CSMD1: variants seen among roughly 807,000 people sequenced by gnomAD.
CSMD1 encodes CUB and Sushi multiple domains 1.
CSMD1 carries 213 observed loss-of-function variants against 417.5 expected under a neutral mutation model. The observed-to-expected ratio is 0.51, with a 90% CI of 0.46 to 0.57. The LOEUF is 0.57. Ranked by LOEUF, CSMD1 falls within the 20% of genes least tolerant of loss-of-function variation. CSMD1 has a pLI of 0.00. For synonymous variants in CSMD1, 2,862 were observed against 1,736.8 expected (o/e 1.65, Z -16.11); for missense variants, 6,923 against 4,529.7 (o/e 1.53, Z -15.17).
chr8:4,186,023 C>T (rs539944422), intron 3 of CSMD1, among the ~76,000 whole-genome samples: 1 of 152,072 alleles, frequency 6.6e-6, no homozygotes, highest in Admixed American at 6.6e-5. Context: ...CATACAAATC[C>T]CTAGGTACAT....
At chr8:4,292,135 G>T (rs908073222) in intron 3 of CSMD1, among the ~76,000 whole-genome samples, 1 of 152,138 alleles carries the variant, frequency 6.6e-6, no homozygotes, top group Admixed American at 6.5e-5. Context: ...CAACAACAAA[G>T]AAATATGAAA....
chr8:4,006,534 C>T (rs1434186502), intron 4 of CSMD1, among the ~76,000 whole-genome samples: 1 of 152,134 alleles, frequency 6.6e-6, no homozygotes, highest in Non-Finnish European at 1.5e-5. Context: ...CAGAGTGAGG[C>T]CTTGCCTCAG....
chr8:4,238,486 G>A (rs1022015616), intron 3 of CSMD1, among the ~76,000 whole-genome samples: 10 of 152,170 alleles, frequency 6.6e-5, no homozygotes, highest in African/African-American at 1.9e-4. Flanking sequence ...GGGTAAGGAG[G>A]CACATTAAGA....
chr8:4,647,505 T>C (rs1803610396), intron 1 of CSMD1, among the ~76,000 whole-genome samples: 1 of 152,134 alleles, frequency 6.6e-6, no homozygotes, highest in Non-Finnish European at 1.5e-5. Flanking sequence ...GTTACGTAGG[T>C]ACGCGTGTGC....
chr8:4,650,234 A>C (rs1803805551), intron 1 of CSMD1, among the ~76,000 whole-genome samples: 1 of 150,742 alleles, frequency 6.6e-6, no homozygotes, highest in African/African-American at 2.4e-5. Flanking sequence ...AGTCCCAGCT[A>C]CTCGGGAGGC....
chr8:2,950,102 C>G, intron 67 of CSMD1, 129 bp downstream of exon 67: 1 of 628,880 alleles, frequency 1.6e-6, no homozygotes, highest in Non-Finnish European at 2.9e-6. Flanking sequence ...AGAAGAGGGG[C>G]AGCTGAGTTT....
chr8:3,346,946 T>C (rs1808043736), intron 22 of CSMD1, among the ~76,000 whole-genome samples: 1 of 152,236 alleles, frequency 6.6e-6, no homozygotes, highest in Non-Finnish European at 1.5e-5. Flanking sequence ...CTCACCTCGC[T>C]GAAATAAGCA....
At chr8:3,374,562 C>T (rs769311315) in intron 18 of CSMD1, among the ~76,000 whole-genome samples, 4 of 152,148 alleles carry the variant, frequency 2.6e-5, no homozygotes, top group Admixed American at 6.5e-5. Context: ...TAGACTATGA[C>T]GGACATGCTG....
chr8:4,825,076 T>G (rs563393618), intron 1 of CSMD1, among the ~76,000 whole-genome samples: 32 of 152,234 alleles, frequency 2.1e-4, no homozygotes, highest in Non-Finnish European at 4.6e-4. Context: ...TCTCCCATTT[T>G]AAATACTGCA....
intron 1 of CSMD1, among the ~76,000 whole-genome samples, chr8:4,945,205 T>G (rs983032005): frequency 6.6e-6 from 1 of 152,056 alleles, no homozygotes; most frequent in African/African-American, 2.4e-5. Flanking sequence ...GTGAAATCCT[T>G]AGAGATAGAA....
chr8:4,699,851 A>G (rs1033930456), intron 1 of CSMD1, among the ~76,000 whole-genome samples: 5 of 152,236 alleles, frequency 3.3e-5, no homozygotes, highest in African/African-American at 7.2e-5. Flanking sequence ...GAGATTGACA[A>G]TACTGCGAGC....
chr8:3,988,688 G>C (rs1161128501), intron 5 of CSMD1, among the ~76,000 whole-genome samples: 1 of 152,186 alleles, frequency 6.6e-6, no homozygotes, highest in Non-Finnish European at 1.5e-5. Flanking sequence ...TTTACTAAGT[G>C]ATATACAGGA....
At chr8:3,974,971 A>AT (rs1226143642) in intron 5 of CSMD1, among the ~76,000 whole-genome samples, 2 of 152,140 alleles carry the variant, frequency 1.3e-5, no homozygotes, top group Admixed American at 6.5e-5. Context: ...AGAATCCAGG[A>AT]TTTTCCCTAT....
intron 5 of CSMD1, among the ~76,000 whole-genome samples, chr8:3,930,002 A>G (rs1292132540): frequency 6.6e-6 from 1 of 150,392 alleles, no homozygotes. Flanking sequence ...TTTTATTGTT[A>G]ATGCAAGGTT....
At chr8:4,357,510 C>G (rs1563089667) in intron 3 of CSMD1, among the ~76,000 whole-genome samples, 1 of 152,136 alleles carries the variant, frequency 6.6e-6, no homozygotes, top group South Asian at 2.1e-4. Context: ...CACAGTTCCT[C>G]TGCACTACCA....
At chr8:4,418,516 G>C (rs1011958360) in intron 3 of CSMD1, among the ~76,000 whole-genome samples, 12 of 151,988 alleles carry the variant, frequency 7.9e-5, no homozygotes, top group African/African-American at 2.9e-4. Flanking sequence ...TTCATCAGGA[G>C]GGGAGAAAAA....
chr8:4,400,562 C>A (rs1804576987), intron 3 of CSMD1, among the ~76,000 whole-genome samples: 1 of 152,222 alleles, frequency 6.6e-6, no homozygotes, highest in African/African-American at 2.4e-5. Context: ...GGGCCAGCCA[C>A]ATCAGCCATT....
At chr8:4,543,719 C>A (rs897017278) in intron 2 of CSMD1, among the ~76,000 whole-genome samples, 3 of 135,728 alleles carry the variant, frequency 2.2e-5, no homozygotes, top group Non-Finnish European at 3.1e-5. Context: ...AAAGTGTCTT[C>A]CAAACGGGCT....
intron 5 of CSMD1, among the ~76,000 whole-genome samples, chr8:3,935,705 C>T (rs184812484): frequency 6.6e-6 from 1 of 152,252 alleles, no homozygotes; most frequent in Admixed American, 6.5e-5. Flanking sequence ...GGCCTGGTCA[C>T]TCCCACATCT....
Sources: gnomAD v4.1 joint callset for allele counts (sites outside exome capture counted in the v4.1 genomes callset) on GRCh38, gnomAD v4.1.1 for gene constraint, MANE v1.5 for transcripts, NCBI Gene and HGNC (gene_info 2026-07-23, HGNC 2026-07-21) for gene names.